MEI1: variants seen among roughly 807,000 people sequenced by gnomAD.
The protein encoded by MEI1 is meiosis inhibitor protein 1.
MEI1 carries 103 observed loss-of-function variants against 146.2 expected under a neutral mutation model. The observed-to-expected ratio is 0.70, with a 90% CI of 0.60 to 0.83. The LOEUF (loss-of-function observed/expected upper bound fraction) is 0.83, where lower values mean the gene tolerates loss of function less well. Ranked by LOEUF, MEI1 falls within the 40% of genes least tolerant of loss-of-function variation. The pLI, the probability that MEI1 is intolerant of heterozygous loss-of-function variation, is 0.00. For missense variants in MEI1, 1,529 were observed against 1,533.0 expected, an observed-to-expected ratio of 1.00 and a Z score of 0.04; for synonymous variants, 652 against 628.2, an observed-to-expected ratio of 1.04 and a Z score of -0.57.
At position 41,780,581 on chromosome 22, in the gene MEI1, C is replaced by CT. The variant is rs1245310767; in HGVS notation, c.2816-686dup. On this transcript the variant is annotated intron_variant, in intron 22 of 30. Transcript: ENST00000401548. ...ACTTTGAGCTGAATTTTTTTCTTTT[C>CT]TTTTTTTTTTTTTTTTTGAGACAGG... Among the ~76,000 whole-genome samples, 663 of 134,298 alleles carry CT rather than the reference C, an allele frequency of 4.9e-3. 6 individuals are homozygous for CT. The highest frequency in any genetic ancestry group is 4.6e-3 in the East Asian group (22 of 4,740). 88.1% of individuals were successfully genotyped at this position (134,298 alleles called of 152,430 possible).
intron 25 of MEI1, 90 bp from the exon 26 acceptor site, chr22:41,784,518 C>G (rs2075881165): frequency 3.8e-6 from 6 of 1,594,380 alleles, no homozygotes; most frequent in African/African-American, 1.3e-5. Context: ...CCATAATTGT[C>G]TCATCTTCAT....
chr22:41,713,354 G>A (rs766436988), intron 3 of MEI1, among the ~76,000 whole-genome samples: 7 of 152,098 alleles, frequency 4.6e-5, no homozygotes, highest in Non-Finnish European at 1.0e-4. Flanking sequence ...TGTAGTCCCA[G>A]CTGCTTGAGA....
chr22:41,783,153 C>CT (rs148916307), intron 24 of MEI1, among the ~76,000 whole-genome samples: 4,360 of 151,928 alleles, frequency 0.029, 206 homozygotes, highest in African/African-American at 0.1. Flanking sequence ...ATTGCCATAC[C>CT]TTTTTTTTGT....
At chr22:41,705,633 G>A in intron 3 of MEI1, 79 bp downstream of exon 3, 3 of 1,266,438 alleles carry the variant, frequency 2.4e-6, no homozygotes, top group Non-Finnish European at 3.5e-6. Flanking sequence ...TGAGACCTTG[G>A]CGAAATTGTC....
At chr22:41,727,210 C>T (rs764183931) in intron 7 of MEI1, among the ~76,000 whole-genome samples, 13 of 152,082 alleles carry the variant, frequency 8.5e-5, no homozygotes, top group Non-Finnish European at 1.6e-4. Flanking sequence ...AGTCTCATGT[C>T]TACTTGGTCC....
At chr22:41,730,872 C>A (rs917671950) in intron 9 of MEI1, among the ~76,000 whole-genome samples, 1 of 152,148 alleles carries the variant, frequency 6.6e-6, no homozygotes, top group African/African-American at 2.4e-5. Flanking sequence ...AAGGGAAGGA[C>A]ACTTCTTTTA....
At chr22:41,798,572 C>T (rs546148842) in intron 30 of MEI1, among the ~76,000 whole-genome samples, 2 of 148,364 alleles carry the variant, frequency 1.3e-5, no homozygotes, top group East Asian at 2.0e-4. Context: ...ACCAAGACTC[C>T]GTCTCAAAAA....
intron 22 of MEI1, among the ~76,000 whole-genome samples, chr22:41,780,359 C>A (rs1030798532): frequency 1.1e-4 from 17 of 151,906 alleles, no homozygotes; most frequent in African/African-American, 4.1e-4. Flanking sequence ...ATGTGGCTGC[C>A]AAAAAGTGAA....
intron 24 of MEI1, among the ~76,000 whole-genome samples, chr22:41,782,656 G>A (rs892538313): frequency 6.6e-6 from 1 of 152,206 alleles, no homozygotes; most frequent in South Asian, 2.1e-4. Context: ...GCCTCTAGAG[G>A]GGCAACAAGC....
chr22:41,704,168 G>A (rs936772495), intron 2 of MEI1, among the ~76,000 whole-genome samples: 2 of 152,092 alleles, frequency 1.3e-5, no homozygotes, highest in Admixed American at 6.6e-5. Flanking sequence ...TTAATGTGAC[G>A]GTAATGTCCA....
intron 8 of MEI1, 71 bp from the exon 9 acceptor site, chr22:41,730,450 C>A: frequency 9.9e-7 from 1 of 1,007,144 alleles, no homozygotes; most frequent in Non-Finnish European, 1.6e-6. Flanking sequence ...AAATCCAAGG[C>A]CTTAGCATCA....
intron 19 of MEI1, among the ~76,000 whole-genome samples, chr22:41,763,919 G>T: frequency 6.7e-6 from 1 of 149,046 alleles, no homozygotes; most frequent in African/African-American, 2.5e-5. Context: ...CAGAGTAACT[G>T]AATAGTTAAT....
At chr22:41,773,376 T>A (rs567848410) in intron 20 of MEI1, among the ~76,000 whole-genome samples, 1 of 152,132 alleles carries the variant, frequency 6.6e-6, no homozygotes, top group African/African-American at 2.4e-5. Context: ...AGGAACACTC[T>A]TGGTTTGCTT....
intron 24 of MEI1, among the ~76,000 whole-genome samples, chr22:41,782,322 C>T (rs2075791026): frequency 6.6e-6 from 1 of 152,136 alleles, no homozygotes; most frequent in Non-Finnish European, 1.5e-5. Context: ...CAGAAAAGAC[C>T]AGACGGGGAG....
chr22:41,787,132 G>A (rs1418327157), intron 26 of MEI1, among the ~76,000 whole-genome samples: 1 of 152,202 alleles, frequency 6.6e-6, no homozygotes, highest in Admixed American at 6.6e-5. Context: ...ATATACTCAA[G>A]GGCAGAGTCT....
In MEI1 at chr22:41,784,338, G is replaced by T. The variant is rs776665827; in HGVS notation, c.3088-1G>T. 7 of 1,613,622 alleles carry T rather than the reference G, an allele frequency of 4.3e-6. No individual in the cohort carries two copies. The South Asian group carries it at 6.6e-5, about 15-fold the overall frequency. ...TAGCCCTTTACCCTGTGCCCTGCCA[G>T]GTTCACCAGACACTCTCTGTGGAAA... On this transcript the variant is annotated splice_acceptor_variant, in intron 24 of 30. Transcript: ENST00000401548. LOFTEE classifies it high-confidence loss of function.
At chr22:41,728,891 C>T (rs181051406) in intron 7 of MEI1, among the ~76,000 whole-genome samples, 24 of 150,820 alleles carry the variant, frequency 1.6e-4, no homozygotes, top group Admixed American at 5.9e-4. Flanking sequence ...TAAGGCAAGG[C>T]GTAGTGGCTC....
chr22:41,727,914 G>T (rs1267282111), intron 7 of MEI1, among the ~76,000 whole-genome samples: 1 of 152,130 alleles, frequency 6.6e-6, no homozygotes, highest in African/African-American at 2.4e-5. Flanking sequence ...GTTCACGTAG[G>T]TATCCTCTGC....
chr22:41,772,001 T>G (rs114643783), intron 20 of MEI1, among the ~76,000 whole-genome samples: 1,727 of 152,258 alleles, frequency 0.011, 30 homozygotes, highest in African/African-American at 0.04. Context: ...GGATACATTT[T>G]TAGAAACACA....
Sources: gnomAD v4.1 joint callset for allele counts (sites outside exome capture counted in the v4.1 genomes callset) on GRCh38, gnomAD v4.1.1 for gene constraint, MANE v1.5 for transcripts, NCBI Gene and HGNC (gene_info 2026-07-23, HGNC 2026-07-21) for gene names.